ABCG1: variants seen among roughly 807,000 people sequenced by gnomAD.
ABCG1 encodes the protein ATP binding cassette subfamily G member 1, also known as ATP-binding cassette sub-family G member 1.
ABCG1 carries 29 observed loss-of-function variants against 69.2 expected under a neutral mutation model. The ratio of observed to expected loss-of-function variants is 0.42; its 90% CI spans 0.31 to 0.57. ABCG1 has a LOEUF of 0.57. ABCG1 is among the 20% of genes least tolerant of loss of function. The probability of loss-of-function intolerance (pLI) is 0.15; values close to 1 mark genes in which losing one functional copy is unlikely to be tolerated. For synonymous variants in ABCG1, 370 were observed against 374.8 expected (o/e 0.99, Z 0.15); for missense variants, 718 against 898.1 (o/e 0.80, Z 2.56).
At position 42,219,528 on chromosome 21, in the gene ABCG1, G is replaced by C. The variant is rs1009531511; in HGVS notation, c.42+224G>C. Among the ~76,000 whole-genome samples, 1 of 152,196 alleles carries C rather than the reference G, an allele frequency of 6.6e-6. No individual in the cohort carries two copies. Among genetic ancestry groups the C allele is most frequent in the African/African-American group, 2.4e-5 (1 of 41,450 alleles). On this transcript the variant is annotated intron_variant, in intron 1 of 14. Coordinates refer to ENST00000398449, the MANE Select transcript of ABCG1 (RefSeq NM_016818.3). This position sits in a 1 kb window ranked among gnomAD's most constrained non-coding sequence, Gnocchi z 5.3. ...TGCCCCTTGCACCGGCAGAGAGCAC[G>C]GACTAGGTGGAGGGGCCGGGAGTGG...
upstream of ABCG1, among the ~76,000 whole-genome samples, chr21:42,211,963 G>A (rs2067593917): frequency 6.6e-6 from 1 of 152,066 alleles, no homozygotes; most frequent in Non-Finnish European, 1.5e-5. Flanking sequence ...GAAGTGATTA[G>A]GCCATGAGGA....
intron 14 of ABCG1, 43 bp downstream of exon 14, chr21:42,294,703 C>CG (rs766401749): frequency 1.3e-6 from 2 of 1,554,388 alleles, no homozygotes; most frequent in East Asian, 4.6e-5. Context: ...CCGAGGGTGA[C>CG]GGGGGAAGAA....
At chr21:42,286,583 G>A (rs750272910) in intron 8 of ABCG1, among the ~76,000 whole-genome samples, 1 of 152,186 alleles carries the variant, frequency 6.6e-6, no homozygotes, top group Non-Finnish European at 1.5e-5. Context: ...GTTTAAGGTG[G>A]GACGGGAGCC....
intron 2 of ABCG1, among the ~76,000 whole-genome samples, chr21:42,236,052 G>A (rs1166326065): frequency 6.6e-6 from 1 of 152,208 alleles, no homozygotes; most frequent in Non-Finnish European, 1.5e-5. Context: ...GGGTGAAGCT[G>A]TAAGGGAGCC....
At chr21:42,280,637 G>GC (rs1168466421) in intron 5 of ABCG1, among the ~76,000 whole-genome samples, 7 of 152,242 alleles carry the variant, frequency 4.6e-5, no homozygotes, top group African/African-American at 1.7e-4. Context: ...TGGAGAAAGT[G>GC]GGGTGGGCCC....
chr21:42,247,907 C>T (rs992508449), intron 2 of ABCG1, among the ~76,000 whole-genome samples: 1 of 152,150 alleles, frequency 6.6e-6, no homozygotes, highest in Non-Finnish European at 1.5e-5. Context: ...AGCCTGGAGA[C>T]GCAAGGAAGG....
chr21:42,206,804 T>G, intron 2 of ABCG1: 1 of 152,116 alleles, frequency 6.6e-6, no homozygotes, highest in East Asian at 1.9e-4. Flanking sequence ...TTATTTTAGG[T>G]TATGTCTATG....
intron 2 of ABCG1, among the ~76,000 whole-genome samples, chr21:42,247,742 C>T (rs1047595025): frequency 6.6e-6 from 1 of 152,158 alleles, no homozygotes; most frequent in African/African-American, 2.4e-5. Context: ...GATTCAAAAT[C>T]CAAGGACATG....
chr21:42,259,366 G>A, intron 2 of ABCG1: 2 of 1,550,424 alleles, frequency 1.3e-6, no homozygotes, highest in Non-Finnish European at 1.7e-6. Flanking sequence ...AAACTGGAGA[G>A]CTCAGTGTTT....
At chr21:42,271,591 A>C (rs952398335) in intron 3 of ABCG1, among the ~76,000 whole-genome samples, 4 of 152,226 alleles carry the variant, frequency 2.6e-5, no homozygotes, top group African/African-American at 9.7e-5. Flanking sequence ...TTAGTTGTTT[A>C]GAAGTTTGAG....
chr21:42,288,208 C>T lies in ABCG1; in HGVS notation c.1123-3C>T. 1 of 1,614,072 alleles carries T rather than the reference C, an allele frequency of 6.2e-7. No individual in the cohort carries two copies. On this transcript the variant is annotated splice_region_variant and splice_polypyrimidine_tract_variant and intron_variant, in intron 9 of 14. Transcript: ENST00000398449. The surrounding 1 kb of genome is among the most constrained non-coding windows in gnomAD (Gnocchi z 4.8). Reference sequence around the variant, plus strand: ...CCCGCTCCCCTCTTGCGTGTGTCCTCAGGACTCCTCGTCCATGGAAGGCTG... The same window carrying T: ...CCCGCTCCCCTCTTGCGTGTGTCCTTAGGACTCCTCGTCCATGGAAGGCTG...
Position 42,273,581 on chromosome 21 carries a change from G to A in ABCG1, c.537+146G>A. ...GCACAGGGCCAGCAACCTCCCTCTA[G>A]CGGAGTTCTAACACCAGACTCGCTG... On this transcript the variant is annotated intron_variant, in intron 4 of 14. Coordinates refer to ENST00000398449, the MANE Select transcript of ABCG1 (RefSeq NM_016818.3). This position sits in a 1 kb window ranked among gnomAD's most constrained non-coding sequence, Gnocchi z 5.3. 1 of 920,228 alleles carries A rather than the reference G, an allele frequency of 1.1e-6. No homozygotes were observed. The highest frequency in any genetic ancestry group is 1.8e-5 in the South Asian group (1 of 55,728). 57.0% of individuals were successfully genotyped at this position (920,228 alleles called of 1,614,324 possible). A position where few individuals can be genotyped will look rare whatever the true frequency, so the allele number is the denominator to read the frequency against.
intron 2 of ABCG1, among the ~76,000 whole-genome samples, chr21:42,204,024 G>A (rs1200504998): frequency 6.6e-6 from 1 of 152,102 alleles, no homozygotes; most frequent in Admixed American, 6.5e-5. Context: ...ATGGTGTCAC[G>A]TTTTTAATTC....
At chr21:42,285,745 T>A (rs2068927235) in intron 7 of ABCG1, 135 bp from the exon 8 acceptor site, 1 of 696,958 alleles carries the variant, frequency 1.4e-6, no homozygotes, top group Non-Finnish European at 2.6e-6. Context: ...TGTAAAGCTC[T>A]CAGGAGAGGA....
At position 42,247,638 on chromosome 21, in the gene ABCG1, C is replaced by T. The variant is rs75158347; in HGVS notation, c.286+21724C>T. ...TACATACATGTCCCAACTCTCAGAA[C>T]CTGTAAATGTGACCTTATTCAGAAA... On this transcript the variant is annotated intron_variant, in intron 2 of 14. Coordinates refer to ENST00000398449, the MANE Select transcript of ABCG1 (RefSeq NM_016818.3). Among the ~76,000 whole-genome samples, 279 of 152,264 alleles carry T rather than the reference C, an allele frequency of 1.8e-3. 3 individuals are homozygous for T. The highest frequency in any genetic ancestry group is 6.5e-3 in the African/African-American group (269 of 41,544).
chr21:42,270,971 G>A lies in ABCG1; in HGVS notation c.287-99G>A, dbSNP rs1394942448. On this transcript the variant is annotated intron_variant, in intron 2 of 14. Transcript: ENST00000398449. ...AGCCTTTTCTATGATGCATGTCAAAGGTTGCCTTTGGCCTTGGTCATGTGT... is the reference window on the plus strand; with the variant it reads ...AGCCTTTTCTATGATGCATGTCAAAAGTTGCCTTTGGCCTTGGTCATGTGT... The A allele has an allele frequency of 4.2e-6, 3 of 714,022 alleles. No individual in the cohort carries two copies. In the African/African-American group the frequency reaches 5.5e-5, roughly 13 times the overall value. 44.2% of individuals were successfully genotyped at this position (714,022 alleles called of 1,614,324 possible). A position where few individuals can be genotyped will look rare whatever the true frequency, so the allele number is the denominator to read the frequency against.
At chr21:42,204,863 G>C (rs986586853) in intron 2 of ABCG1, among the ~76,000 whole-genome samples, 2 of 152,024 alleles carry the variant, frequency 1.3e-5, no homozygotes, top group African/African-American at 4.8e-5. Flanking sequence ...TTTGATACCT[G>C]GGTATGCTAA....
At chr21:42,261,538 T>C (rs2068413128) in intron 2 of ABCG1, among the ~76,000 whole-genome samples, 1 of 152,042 alleles carries the variant, frequency 6.6e-6, no homozygotes. Flanking sequence ...CTTGGGCAGC[T>C]CCCCACCCCC....
intron 2 of ABCG1, among the ~76,000 whole-genome samples, chr21:42,270,191 C>T (rs1358899951): frequency 2.2e-5 from 3 of 135,728 alleles, no homozygotes; most frequent in African/African-American, 5.6e-5. Context: ...ACCCGGGAGG[C>T]GGAACTTGCA....
Sources: gnomAD v4.1 joint callset for allele counts (sites outside exome capture counted in the v4.1 genomes callset) on GRCh38, gnomAD v4.1.1 for gene constraint, Gnocchi (gnomAD v3.1) non-coding constraint, MANE v1.5 for transcripts, NCBI Gene and HGNC (gene_info 2026-07-23, HGNC 2026-07-21) for gene names.